MESD: variants seen among roughly 807,000 people sequenced by gnomAD.
The protein encoded by MESD is mesoderm development LRP chaperone.
In MESD, 7 loss-of-function variants were observed where a neutral mutation model predicts 12.9. That is an observed-to-expected ratio of 0.54 (90% confidence interval 0.31 to 1.02). The LOEUF (loss-of-function observed/expected upper bound fraction) is 1.02, where lower values mean the gene tolerates loss of function less well. MESD is among the 50% of genes least tolerant of loss of function. The pLI is 0.05. For synonymous variants in MESD, 126 were observed against 115.6 expected (o/e 1.09, Z -0.58); for missense variants, 342 against 296.7 (o/e 1.15, Z -1.12).
At position 80,979,325 on chromosome 15, in the gene MESD, T is replaced by C. The variant is rs759229590; in HGVS notation, c.599A>G (p.Lys200Arg). The part of the protein sequence containing the change: ...YPGKGGGSKE[K>R]NKTKQDKGKK... ...GCCCTTGTCTTGCTTTGTTTTATTT[T>C]TCTCTTTGCTTCCTCCTCCTTTGCC... Residue 200 changes from lysine to arginine, a missense_variant, in exon 3 of 3, where the codon AAA becomes AGA. Coordinates refer to ENST00000261758, the MANE Select transcript of MESD (RefSeq NM_015154.3). 1.2e-5 allele frequency: 19 copies of C among 1,614,202 alleles called. No homozygotes were observed. The South Asian group carries it at 2.0e-4, about 17-fold the overall frequency.
At position 80,955,453 on chromosome 15, in the gene MESD, G is replaced by GCACT. The variant is rs1286367090; in HGVS notation, c.*289-3161_*289-3158dup. ...TGCAGTGAGCCGAGATTGCGCCACT[G>GCACT]CACTCCAGCCTGGGCGACGGAGAGA... On this transcript the variant is annotated intron_variant, in intron 3 of 4. Transcript: ENST00000561312. Among the ~76,000 whole-genome samples, 85 of 135,242 alleles carry GCACT rather than the reference G, an allele frequency of 6.3e-4. No homozygotes were observed. In the Admixed American group the frequency reaches 6.3e-3, roughly 10 times the overall value. The allele number at this position is 135,242 out of a possible 152,430, so 88.7% of individuals were successfully genotyped here.
At chr15:80,972,071 G>C (rs1596230980), downstream of MESD, among the ~76,000 whole-genome samples, 1 of 152,086 alleles carries the variant, frequency 6.6e-6, no homozygotes, top group Admixed American at 6.5e-5. Context: ...AAAATAGAGA[G>C]CACAGATACA....
At chr15:80,984,870 A>C (rs1902687542) in intron 1 of MESD, among the ~76,000 whole-genome samples, 2 of 152,220 alleles carry the variant, frequency 1.3e-5, no homozygotes, top group Non-Finnish European at 2.9e-5. Flanking sequence ...CTATATTAAA[A>C]ATAATTTTAG....
chr15:80,967,129 C>T (rs1902190179), intron 3 of MESD, among the ~76,000 whole-genome samples: 1 of 152,018 alleles, frequency 6.6e-6, no homozygotes, highest in Non-Finnish European at 1.5e-5. Flanking sequence ...CCCGCCTCTA[C>T]TAAAAATACA....
intron 3 of MESD, among the ~76,000 whole-genome samples, chr15:80,957,440 T>C (rs34606381): frequency 1.3e-5 from 2 of 152,226 alleles, no homozygotes; most frequent in Non-Finnish European, 1.5e-5. Flanking sequence ...GCCAAGAAAA[T>C]AAAATTAAAT....
downstream of MESD, among the ~76,000 whole-genome samples, chr15:80,974,174 T>C (rs1029431499): frequency 6.6e-6 from 1 of 152,174 alleles, no homozygotes; most frequent in Non-Finnish European, 1.5e-5. Context: ...GCCCCTCTCC[T>C]TTCCGGTTCA....
downstream of MESD, among the ~76,000 whole-genome samples, chr15:80,971,982 A>C (rs1404062294): frequency 6.6e-6 from 1 of 151,880 alleles, no homozygotes; most frequent in African/African-American, 2.4e-5. Flanking sequence ...ACACCAAAGG[A>C]CTAATCTTAA....
exon 5 of MESD, chr15:80,948,304 C>T (rs974728917): frequency 6.0e-5 from 14 of 235,290 alleles, no homozygotes; most frequent in Non-Finnish European, 8.6e-5. Context: ...CTGGGGTGCA[C>T]CATTTACTCC....
At chr15:80,964,149 C>T (rs556778895) in intron 3 of MESD, among the ~76,000 whole-genome samples, 9 of 152,232 alleles carry the variant, frequency 5.9e-5, no homozygotes, top group South Asian at 2.1e-4. Flanking sequence ...ACAAAATGAA[C>T]GTGCAAAAAT....
chr15:80,948,724 G>A (rs1200121955), exon 5 of MESD: 3 of 1,605,074 alleles, frequency 1.9e-6, no homozygotes, highest in South Asian at 2.2e-5. Context: ...TGGCGATGGG[G>A]AGCCATGGAA....
intron 3 of MESD, among the ~76,000 whole-genome samples, chr15:80,953,420 T>G (rs1186639032): frequency 6.6e-6 from 1 of 151,812 alleles, no homozygotes; most frequent in Non-Finnish European, 1.5e-5. Context: ...GAGGTTGGGG[T>G]GGAGGGACAG....
chr15:80,946,976 T>G (rs1468990882), downstream of MESD: 1 of 1,612,354 alleles, frequency 6.2e-7, no homozygotes, highest in African/African-American at 1.3e-5. Flanking sequence ...TCCATAGTGC[T>G]TATGGCATCA....
chr15:80,951,421 C>CTGTT (rs1370334148), intron 4 of MESD: 3 of 152,522 alleles, frequency 2.0e-5, no homozygotes, highest in African/African-American at 7.2e-5. Context: ...CTTGTTATTT[C>CTGTT]TGTTTGTAAG....
intron 3 of MESD, among the ~76,000 whole-genome samples, chr15:80,961,379 C>G (rs1301661221): frequency 6.6e-6 from 1 of 151,190 alleles, no homozygotes. Flanking sequence ...TATTCAAAAA[C>G]TAAACCTTGT....
chr15:80,980,843 G>A (rs60529479), intron 2 of MESD, among the ~76,000 whole-genome samples: 6 of 146,022 alleles, frequency 4.1e-5, no homozygotes, highest in East Asian at 2.0e-4. Flanking sequence ...TTTCTTCCCC[G>A]AGATGGAGTC....
At position 80,978,929 on chromosome 15, in the gene MESD, A is replaced by G. The variant is rs1169742022; in HGVS notation, c.*290T>C. 2 of 445,584 alleles carry G rather than the reference A, an allele frequency of 4.5e-6. No individual in the cohort carries two copies. The highest frequency in any genetic ancestry group is 4.0e-5 in the Admixed American group (1 of 25,314). 27.6% of individuals were successfully genotyped at this position (445,584 alleles called of 1,614,324 possible). On this transcript the variant is annotated 3_prime_UTR_variant, in exon 3 of 3. Transcript: ENST00000261758. ...GGAATCTCAGTAGAGTTGATGACTC[A>G]CCAAGTGTAAATGGGAAAAAGCAAC... is the stretch of plus-strand genomic sequence containing the variant.
chr15:80,964,557 T>C (rs1023281560), intron 3 of MESD, among the ~76,000 whole-genome samples: 3 of 152,352 alleles, frequency 2.0e-5, no homozygotes, highest in Middle Eastern at 6.8e-3. Context: ...GCTAGCTGAC[T>C]TCAAACTATA....
downstream of MESD, among the ~76,000 whole-genome samples, chr15:80,971,867 T>C (rs1342766411): frequency 1.3e-5 from 2 of 151,678 alleles, no homozygotes; most frequent in Non-Finnish European, 2.9e-5. Flanking sequence ...GGAGGATTGA[T>C]TAAGCCCGGG....
At chr15:80,963,423 C>G (rs1484794448) in intron 3 of MESD, among the ~76,000 whole-genome samples, 1 of 152,166 alleles carries the variant, frequency 6.6e-6, no homozygotes, top group Non-Finnish European at 1.5e-5. Flanking sequence ...GGTACCATTC[C>G]TTCTGAAACT....
Sources: gnomAD v4.1 joint callset for allele counts (sites outside exome capture counted in the v4.1 genomes callset) on GRCh38, gnomAD v4.1.1 for gene constraint, MANE v1.5 for transcripts, NCBI Gene and HGNC (gene_info 2026-07-23, HGNC 2026-07-21) for gene names.